Variants in PCDH15 observed in about 807,000 individuals in gnomAD.
PCDH15 encodes the protein protocadherin related 15.
PCDH15 carries 129 observed loss-of-function variants against 178.5 expected under a neutral mutation model. The observed-to-expected ratio is 0.72, with a 90% CI of 0.63 to 0.84. PCDH15 has a LOEUF of 0.84. Among genes scored for constraint, PCDH15 ranks in the 40% least tolerant of loss-of-function variants. PCDH15 has a pLI of 0.00. For synonymous variants in PCDH15, 800 were observed against 732.0 expected (o/e 1.09, Z -1.50); for missense variants, 2,230 against 2,099.9 (o/e 1.06, Z -1.21).
intron 30 of PCDH15, 73 bp from the exon 31 acceptor site, chr10:53,828,646 C>A (rs2076846331): frequency 1.7e-6 from 2 of 1,187,412 alleles, no homozygotes; most frequent in Non-Finnish European, 2.5e-6. Context: ...ATTTTAACAT[C>A]TGATTTATTC....
At chr10:54,546,001 G>T (rs2133075048) in intron 2 of PCDH15, among the ~76,000 whole-genome samples, 1 of 152,322 alleles carries the variant, frequency 6.6e-6, no homozygotes, top group South Asian at 2.1e-4. Context: ...GGCAGGAAGT[G>T]TATGGTTCTT....
chr10:55,383,516 C>G (rs930699274), intron 2 of PCDH15, among the ~76,000 whole-genome samples: 1 of 152,100 alleles, frequency 6.6e-6, no homozygotes, highest in African/African-American at 2.4e-5. Context: ...CTTTTACCCC[C>G]TATTTCCCTG....
chr10:55,215,764 T>A (rs2132176489), intron 1 of PCDH15, among the ~76,000 whole-genome samples: 1 of 152,104 alleles, frequency 6.6e-6, no homozygotes, highest in Non-Finnish European at 1.5e-5. Context: ...TGAGCATCTG[T>A]TTTCATGTTC....
chr10:54,596,002 C>T (rs563524075), intron 2 of PCDH15, among the ~76,000 whole-genome samples: 5 of 151,946 alleles, frequency 3.3e-5, no homozygotes, highest in East Asian at 1.9e-4. Flanking sequence ...TTGGTGTCCC[C>T]GAAAGAGATG....
chr10:55,107,484 C>CTTTTTTTTTTTT (rs11290952), intron 2 of PCDH15, among the ~76,000 whole-genome samples: 1 of 86,206 alleles, frequency 1.2e-5, no homozygotes, highest in Non-Finnish European at 2.0e-5. Context: ...ATTCTCTTTC[C>CTTTTTTTTTTTT]TTTTTTTTTT....
chr10:55,392,672 T>C (rs1174475213), intron 2 of PCDH15, among the ~76,000 whole-genome samples: 1 of 152,182 alleles, frequency 6.6e-6, no homozygotes, highest in African/African-American at 2.4e-5. Flanking sequence ...TATTTCACCA[T>C]AGGTAAATAA....
intron 2 of PCDH15, among the ~76,000 whole-genome samples, chr10:55,018,623 G>C (rs940322765): frequency 6.6e-6 from 1 of 152,028 alleles, no homozygotes; most frequent in East Asian, 1.9e-4. Context: ...GTCTGAATGA[G>C]GATAAGGTAG....
At chr10:53,950,975 G>A (rs1048663198) in intron 23 of PCDH15, among the ~76,000 whole-genome samples, 2 of 152,152 alleles carry the variant, frequency 1.3e-5, no homozygotes, top group African/African-American at 4.8e-5. Flanking sequence ...CCCAGTTACT[G>A]TGGACTGAAA....
chr10:54,796,089 T>C (rs534407335), intron 1 of PCDH15, among the ~76,000 whole-genome samples: 7 of 151,870 alleles, frequency 4.6e-5, no homozygotes, highest in Admixed American at 6.6e-5. Context: ...TGTATTCTTT[T>C]CTTTACCATC....
chr10:55,499,404 TACACACACACACACACAC>T (rs200878607), intron 2 of PCDH15, among the ~76,000 whole-genome samples: 11 of 136,388 alleles, frequency 8.1e-5, no homozygotes, highest in East Asian at 2.2e-4. Context: ...AGACTCTCCC[TACACACACACACACACAC>T]ACACACACAC....
chr10:54,304,418 T>A (rs543728989), intron 8 of PCDH15, among the ~76,000 whole-genome samples: 3 of 152,102 alleles, frequency 2.0e-5, no homozygotes, highest in Non-Finnish European at 4.4e-5. Context: ...AACCTGATAT[T>A]GATTGATGAG....
intron 8 of PCDH15, among the ~76,000 whole-genome samples, chr10:54,289,819 A>G (rs1326985846): frequency 6.6e-6 from 1 of 152,216 alleles, no homozygotes; most frequent in East Asian, 1.9e-4. Flanking sequence ...CAAATTAATG[A>G]AATAAAGTGA....
chr10:53,831,208 A>T, intron 30 of PCDH15, 107 bp downstream of exon 30: 1 of 993,094 alleles, frequency 1.0e-6, no homozygotes, highest in Non-Finnish European at 1.6e-6. Context: ...GCAATCTCAG[A>T]GTAGTTGCAC....
At chr10:55,038,511 C>T (rs1222015745) in intron 2 of PCDH15, among the ~76,000 whole-genome samples, 1 of 152,092 alleles carries the variant, frequency 6.6e-6, no homozygotes, top group Admixed American at 6.6e-5. Context: ...TAAAGTGAGG[C>T]AAAACTGGAA....
intron 2 of PCDH15, among the ~76,000 whole-genome samples, chr10:54,946,682 G>A (rs553044208): frequency 5.3e-5 from 8 of 151,822 alleles, no homozygotes; most frequent in African/African-American, 1.7e-4. Context: ...TGAAGAATCC[G>A]TGCAATGTAC....
At chr10:53,808,634 A>G in intron 37 of PCDH15, 1 of 1,554,108 alleles carries the variant, frequency 6.4e-7, no homozygotes, top group Admixed American at 1.9e-5. Flanking sequence ...GAACACACAG[A>G]AGGCACTGCA....
At chr10:54,390,274 G>T (rs528470315) in intron 3 of PCDH15, among the ~76,000 whole-genome samples, 9 of 123,072 alleles carry the variant, frequency 7.3e-5, no homozygotes, top group Non-Finnish European at 1.4e-4. Context: ...TAGTGACAAT[G>T]ACCTATACCT....
chr10:55,464,934 C>A (rs570480887), intron 2 of PCDH15, among the ~76,000 whole-genome samples: 18 of 145,202 alleles, frequency 1.2e-4, no homozygotes, highest in Non-Finnish European at 2.3e-4. Context: ...AACAAACAAA[C>A]AACAACAAAA....
intron 20 of PCDH15, among the ~76,000 whole-genome samples, chr10:54,018,713 AAT>A (rs1446875025): frequency 6.6e-6 from 1 of 152,098 alleles, no homozygotes; most frequent in Non-Finnish European, 1.5e-5. Flanking sequence ...TGTGGTTGCC[AAT>A]ATTTCATTCC....
Sources: gnomAD v4.1 joint callset for allele counts (sites outside exome capture counted in the v4.1 genomes callset) on GRCh38, gnomAD v4.1.1 for gene constraint, MANE v1.5 for transcripts, NCBI Gene and HGNC (gene_info 2026-07-23, HGNC 2026-07-21) for gene names.